Variants in ZBTB1 observed in about 807,000 individuals in gnomAD.
ZBTB1 encodes zinc finger and BTB domain containing 1, also known as zinc finger and BTB domain-containing protein 1.
A neutral mutation model predicts 51.6 loss-of-function variants in ZBTB1; 13 were observed. That is an observed-to-expected ratio of 0.25 (90% CI 0.16 to 0.40). The LOEUF (loss-of-function observed/expected upper bound fraction) is 0.40. Among genes scored for constraint, ZBTB1 ranks in the 10% least tolerant of loss-of-function variants. The pLI, the probability that ZBTB1 is intolerant of heterozygous loss-of-function variation, is 1.00. For synonymous variants in ZBTB1, 240 were observed against 282.2 expected, an observed-to-expected ratio of 0.85 and a Z score of 1.50; for missense variants, 567 against 856.5, an observed-to-expected ratio of 0.66 and a Z score of 4.22.
chr14:64,528,613 G>C (rs1182711158), downstream of ZBTB1, among the ~76,000 whole-genome samples: 3 of 152,146 alleles, frequency 2.0e-5, no homozygotes, highest in Non-Finnish European at 2.9e-5. Flanking sequence ...ACTAAAACAA[G>C]TAGGGTTATA....
Position 64,523,845 on chromosome 14 carries a change from A to G in ZBTB1, c.*199A>G, listed in dbSNP as rs1300291131. On this transcript the variant is annotated 3_prime_UTR_variant, in exon 2 of 2. Coordinates refer to ENST00000683701, the MANE Select transcript of ZBTB1 (RefSeq NM_001123329.2). The surrounding 1 kb of genome is among the most constrained non-coding windows in gnomAD (Gnocchi z 4.5). ...TGTTTATCATTTTTGTTGTTTCTTA[A>G]TAGAATTATTTGTTTTTAGTTTTTC... 1.6e-6 allele frequency: 2 copies of G among 1,262,572 alleles called. No individual in the cohort carries two copies. The highest frequency in any genetic ancestry group is 1.6e-5 in the African/African-American group (1 of 64,486). 78.2% of individuals were successfully genotyped at this position (1,262,572 alleles called of 1,614,324 possible).
In ZBTB1 at chr14:64,524,529, A is replaced by C; in HGVS notation, c.*883A>C. 1.0e-6 allele frequency: 1 copy of C among 979,192 alleles called. No homozygotes were observed. The allele number at this position is 979,192 out of a possible 1,614,324, so 60.7% of individuals were successfully genotyped here. A position where few individuals can be genotyped will look rare whatever the true frequency, so the allele number is the denominator to read the frequency against. ...AAATAGACTTTAATAGCTCTCTAAG[A>C]ATATGACCTCTAAAGGAAAAGATGA... On this transcript the variant is annotated 3_prime_UTR_variant, in exon 2 of 2. Coordinates refer to ENST00000683701, the MANE Select transcript of ZBTB1 (RefSeq NM_001123329.2).
At chr14:64,515,439 GA>G (rs2079770285) in intron 1 of ZBTB1, among the ~76,000 whole-genome samples, 1 of 151,510 alleles carries the variant, frequency 6.6e-6, no homozygotes, top group Admixed American at 6.6e-5. Context: ...CATTAATAAA[GA>G]GGTCAAAAAA....
intron 1 of ZBTB1, among the ~76,000 whole-genome samples, chr14:64,505,923 C>G (rs1390280191): frequency 2.6e-5 from 4 of 152,124 alleles, no homozygotes; most frequent in South Asian, 2.1e-4. Flanking sequence ...TGGTCCGAGG[C>G]TTTTTGAGGC....
At chr14:64,509,882 C>A (rs61985706) in intron 1 of ZBTB1, among the ~76,000 whole-genome samples, 34,656 of 151,124 alleles carry the variant, frequency 0.23, 4,625 homozygotes, top group Non-Finnish European at 0.31. Context: ...GAGGCTGAGG[C>A]AGGAGAATGG....
chr14:64,516,660 ATC>A (rs1294173112), intron 1 of ZBTB1: 2 of 152,362 alleles, frequency 1.3e-5, no homozygotes, highest in East Asian at 3.9e-4. Context: ...GAAATCACTG[ATC>A]TAGGAAAAGT....
chr14:64,507,075 T>A (rs2079671679), intron 1 of ZBTB1, among the ~76,000 whole-genome samples: 1 of 152,220 alleles, frequency 6.6e-6, no homozygotes, highest in Non-Finnish European at 1.5e-5. Flanking sequence ...AGACTTGCCC[T>A]CTAGCCAGGA....
chr14:64,528,105 A>G (rs1261590868), downstream of ZBTB1, among the ~76,000 whole-genome samples: 4 of 152,144 alleles, frequency 2.6e-5, no homozygotes, highest in African/African-American at 9.7e-5. Flanking sequence ...TCTCTAAGTC[A>G]GTAGTTAAGG....
intron 1 of ZBTB1, among the ~76,000 whole-genome samples, chr14:64,514,678 A>G (rs1036781491): frequency 2.0e-5 from 3 of 152,248 alleles, no homozygotes; most frequent in African/African-American, 7.2e-5. Context: ...TGTATGGATA[A>G]AGCCACATTA....
intron 1 of ZBTB1, among the ~76,000 whole-genome samples, chr14:64,517,705 T>C (rs1220584023): frequency 1.3e-5 from 2 of 149,230 alleles, no homozygotes; most frequent in Non-Finnish European, 3.0e-5. Context: ...TGTTTATTTA[T>C]TTGGCTCTCC....
chr14:64,510,462 T>C (rs1379145156), intron 1 of ZBTB1, among the ~76,000 whole-genome samples: 2 of 152,120 alleles, frequency 1.3e-5, no homozygotes, highest in South Asian at 4.2e-4. Context: ...CCTAAAATAG[T>C]GGGAGAGGAA....
chr14:64,529,412 A>T (rs766246698), downstream of ZBTB1, among the ~76,000 whole-genome samples: 1 of 152,178 alleles, frequency 6.6e-6, no homozygotes, highest in Non-Finnish European at 1.5e-5. Flanking sequence ...AATATTCCCA[A>T]GAAAAAGCAG....
chr14:64,524,980 T>C (rs1310366302), downstream of ZBTB1: 2 of 960,024 alleles, frequency 2.1e-6, no homozygotes, highest in East Asian at 1.1e-4. Flanking sequence ...ACTTGCAATG[T>C]AGTACCCTTT....
intron 1 of ZBTB1, among the ~76,000 whole-genome samples, chr14:64,516,106 A>T (rs2079782567): frequency 6.6e-6 from 1 of 152,222 alleles, no homozygotes; most frequent in South Asian, 2.1e-4. Flanking sequence ...ATGGTGGCGT[A>T]TGCCTGTAGT....
At position 64,522,985 on chromosome 14, in the gene ZBTB1, C is replaced by CTGA; in HGVS notation, c.1485_1487dup (p.Asp495dup). On this transcript the variant is annotated inframe_insertion, in exon 2 of 2. Coordinates refer to ENST00000683701, the MANE Select transcript of ZBTB1 (RefSeq NM_001123329.2). ...GAGAAAATGGACTTGGAAGAGAATC[C>CTGA]TGATGAGCAGTCCGAAATAAGAGAT... 1 of 1,614,118 alleles carries CTGA rather than the reference C, an allele frequency of 6.2e-7. No homozygotes were observed. Among genetic ancestry groups the CTGA allele is most frequent in the Non-Finnish European group, 8.5e-7 (1 of 1,180,014 alleles).
rs761257509 is a variant in ZBTB1, at chr14:64,523,318, A to T, written c.1814A>T (p.Gln605Leu). The T allele has an allele frequency of 1.2e-5, 19 of 1,614,226 alleles. No homozygotes were observed. The highest frequency in any genetic ancestry group is 1.7e-5 in the Admixed American group (1 of 60,032). Reference protein sequence around the residue: ...EHYTVHTKEKQFVCQTCGKQF... With the variant: ...EHYTVHTKEKLFVCQTCGKQF... The stretch of plus-strand genomic sequence containing the variant: ...TATACTGTTCATACTAAGGAAAAAC[A>T]GTTTGTTTGTCAAACATGTGGAAAG... The change falls in exon 2 of 2, where the codon CAG (glutamine) becomes CTG (leucine). Residue 605 changes from glutamine to leucine, a missense_variant. Transcript: ENST00000683701. The surrounding 1 kb of genome is among the most constrained non-coding windows in gnomAD (Gnocchi z 4.5).
intron 1 of ZBTB1, chr14:64,516,566 G>A (rs1313689993): frequency 2.6e-5 from 4 of 152,256 alleles, no homozygotes; most frequent in East Asian, 3.8e-4. Flanking sequence ...ACTGTGATCC[G>A]TCTGACTGAG....
chr14:64,519,151 T>G (rs2079831093), intron 1 of ZBTB1, among the ~76,000 whole-genome samples: 1 of 98,216 alleles, frequency 1.0e-5, no homozygotes, highest in African/African-American at 3.0e-5. Flanking sequence ...TTTTGCTACT[T>G]TTTTTTTTTT....
chr14:64,517,242 T>A (rs1252936789), intron 1 of ZBTB1, among the ~76,000 whole-genome samples: 1 of 152,210 alleles, frequency 6.6e-6, no homozygotes, highest in African/African-American at 2.4e-5. Flanking sequence ...TGAGGTATTA[T>A]CCCTACCTTT....
Sources: gnomAD v4.1 joint callset for allele counts (sites outside exome capture counted in the v4.1 genomes callset) on GRCh38, gnomAD v4.1.1 for gene constraint, Gnocchi (gnomAD v3.1) non-coding constraint, MANE v1.5 for transcripts, NCBI Gene and HGNC (gene_info 2026-07-23, HGNC 2026-07-21) for gene names.